PRSS23: variants seen among roughly 807,000 people sequenced by gnomAD.
PRSS23 encodes the protein protease, serine 23.
Under a neutral mutation model 34.7 loss-of-function variants are expected in PRSS23, and 25 were observed. That is an observed-to-expected ratio of 0.72 (90% CI 0.53 to 1.01). PRSS23 has a LOEUF of 1.01. Ranked by LOEUF, PRSS23 falls within the 50% of genes least tolerant of loss-of-function variation. The pLI, the probability that PRSS23 is intolerant of heterozygous loss-of-function variation, is 0.00. For missense variants in PRSS23, 445 were observed against 475.6 expected (o/e 0.94, Z 0.60); for synonymous variants, 176 against 186.6 (o/e 0.94, Z 0.46).
intron 2 of PRSS23, among the ~76,000 whole-genome samples, chr11:86,831,497 G>C (rs370915143): frequency 6.6e-6 from 1 of 151,806 alleles, no homozygotes; most frequent in South Asian, 2.1e-4. Context: ...AATGTTACAC[G>C]TGGTATACAC....
At chr11:86,794,898 C>T (rs1947971283) in intron 1 of PRSS23, among the ~76,000 whole-genome samples, 2 of 152,098 alleles carry the variant, frequency 1.3e-5, no homozygotes, top group African/African-American at 4.8e-5. Flanking sequence ...TTGTAATATT[C>T]ATGGTTCAAT....
rs1186579178 is a variant in PRSS23 at position 86,928,191 on chromosome 11, T to C, written c.207-23025T>C. ...TATATGTTAATATATATTAAGCATATGTATTACAAATATTTTATACTTATA... is the reference window on the plus strand; with the variant it reads ...TATATGTTAATATATATTAAGCATACGTATTACAAATATTTTATACTTATA... On this transcript the variant is annotated intron_variant, in intron 2 of 2. Coordinates refer to the PRSS23 transcript ENST00000533902. Among the ~76,000 whole-genome samples the C allele has an allele frequency of 6.1e-5, 9 of 147,012 alleles. No homozygotes were observed. In the Admixed American group the frequency reaches 6.2e-4, roughly 10 times the overall value.
chr11:86,839,611 G>T (rs533237009), intron 2 of PRSS23, among the ~76,000 whole-genome samples: 4 of 152,082 alleles, frequency 2.6e-5, no homozygotes, highest in Admixed American at 2.0e-4. Context: ...ACACCACAAA[G>T]ATATTCCTTG....
intron 2 of PRSS23, among the ~76,000 whole-genome samples, chr11:86,867,254 T>C (rs1449669360): frequency 2.0e-5 from 3 of 152,242 alleles, no homozygotes; most frequent in Non-Finnish European, 4.4e-5. Flanking sequence ...GCACAAGGCC[T>C]CCTTCTCCTT....
chr11:86,887,169 T>G (rs1011884506), intron 2 of PRSS23, among the ~76,000 whole-genome samples: 1 of 152,178 alleles, frequency 6.6e-6, no homozygotes, highest in African/African-American at 2.4e-5. Context: ...ACTCCAGAGC[T>G]GTGCTCGTTC....
At chr11:86,803,951 T>C (rs1948070445) in intron 1 of PRSS23, among the ~76,000 whole-genome samples, 1 of 152,146 alleles carries the variant, frequency 6.6e-6, no homozygotes, top group African/African-American at 2.4e-5. Flanking sequence ...CCACCCTCCA[T>C]AATTCCATGA....
At chr11:86,918,189 A>G (rs186203524) in intron 2 of PRSS23, among the ~76,000 whole-genome samples, 1 of 144,740 alleles carries the variant, frequency 6.9e-6, no homozygotes, top group East Asian at 2.0e-4. Flanking sequence ...AAATAAAGCT[A>G]TTGTGTCAGT....
intron 2 of PRSS23, chr11:86,892,247 T>C (rs757147325): frequency 6.6e-6 from 1 of 152,236 alleles, no homozygotes; most frequent in South Asian, 2.1e-4. Flanking sequence ...CGAAAGAGAA[T>C]TCCTCCTCTG....
chr11:86,841,254 C>T (rs1948444822), intron 2 of PRSS23, among the ~76,000 whole-genome samples: 1 of 150,204 alleles, frequency 6.7e-6, no homozygotes, highest in East Asian at 2.0e-4. Context: ...CAGGAGAATC[C>T]CTTGAACCTG....
intron 1 of PRSS23, among the ~76,000 whole-genome samples, chr11:86,816,437 C>A (rs1158987403): frequency 6.6e-6 from 1 of 152,184 alleles, no homozygotes; most frequent in Non-Finnish European, 1.5e-5. Flanking sequence ...GGCCTCAGTA[C>A]AATGGAATTG....
intron 2 of PRSS23, among the ~76,000 whole-genome samples, chr11:86,902,559 A>G (rs552612217): frequency 1.3e-5 from 2 of 152,322 alleles, no homozygotes; most frequent in Non-Finnish European, 1.5e-5. Flanking sequence ...CTGCCACCAG[A>G]TAACAGCTAA....
intron 1 of PRSS23, among the ~76,000 whole-genome samples, chr11:86,820,251 C>A (rs1455914992): frequency 2.0e-5 from 3 of 152,054 alleles, no homozygotes; most frequent in Non-Finnish European, 4.4e-5. Context: ...TTTTGCAAAA[C>A]AAAGATAAGC....
At chr11:86,924,742 A>G (rs1296828609) in intron 2 of PRSS23, among the ~76,000 whole-genome samples, 2 of 152,212 alleles carry the variant, frequency 1.3e-5, no homozygotes, top group Non-Finnish European at 1.5e-5. Flanking sequence ...AGGAAAGACT[A>G]CATTGTTTAA....
Position 86,808,658 on chromosome 11 carries a change from A to AT in PRSS23, c.1021dup (p.Ser341PhefsTer34), listed in dbSNP as rs1565351247. 3 of 1,614,018 alleles carry AT rather than the reference A, an allele frequency of 1.9e-6. No individual in the cohort carries two copies. The highest frequency in any genetic ancestry group is 1.1e-5 in the South Asian group (1 of 91,074). ...GAAGTGGGAGCGAAAAATTATTGGC[A>AT]TTTTTTCAGGGCACCAGTGGGTGGA... On this transcript the variant is annotated frameshift_variant, in exon 2 of 2. Coordinates refer to ENST00000280258, the MANE Select transcript of PRSS23 (RefSeq NM_007173.6). LOFTEE classifies it high-confidence loss of function.
At chr11:86,822,898 G>T (rs1336468163) in intron 1 of PRSS23, among the ~76,000 whole-genome samples, 1 of 152,204 alleles carries the variant, frequency 6.6e-6, no homozygotes, top group Admixed American at 6.5e-5. Flanking sequence ...CAAGATGCTG[G>T]AACTGGGGTG....
intron 2 of PRSS23, among the ~76,000 whole-genome samples, chr11:86,846,569 C>G (rs1164919137): frequency 2.6e-5 from 4 of 152,168 alleles, no homozygotes; most frequent in Non-Finnish European, 4.4e-5. Flanking sequence ...TCCCAGATAT[C>G]CTAGTTGAGA....
intron 2 of PRSS23, among the ~76,000 whole-genome samples, chr11:86,927,924 A>T (rs1949092346): frequency 6.6e-6 from 1 of 151,644 alleles, no homozygotes; most frequent in Non-Finnish European, 1.5e-5. Flanking sequence ...CTGGGTGACA[A>T]GAGAGAAACT....
At chr11:86,917,022 G>A (rs993315164) in intron 2 of PRSS23, among the ~76,000 whole-genome samples, 2 of 152,182 alleles carry the variant, frequency 1.3e-5, no homozygotes, top group Admixed American at 1.3e-4. Context: ...TCCAATGTTT[G>A]CAATTAAATT....
intron 2 of PRSS23, among the ~76,000 whole-genome samples, chr11:86,886,608 A>G (rs975780648): frequency 2.0e-4 from 31 of 152,176 alleles, no homozygotes; most frequent in African/African-American, 7.0e-4. Flanking sequence ...AACCTGCAAC[A>G]ATCCTGTTAT....
Sources: allele counts gnomAD v4.1 joint callset (sites outside exome capture counted in the v4.1 genomes callset), GRCh38; gene constraint gnomAD v4.1.1; transcripts MANE v1.5; gene names NCBI Gene and HGNC (gene_info 2026-07-23, HGNC 2026-07-21).